The following BASP1 variants were observed in gnomAD, a reference collection of about 807,000 sequenced individuals.
BASP1 encodes the protein brain acid soluble protein 1.
BASP1 carries 1 observed loss-of-function variant against 2.2 expected under a neutral mutation model. The ratio of observed to expected loss-of-function variants is 0.46; its 90% CI spans 0.16 to 2.17. The LOEUF (loss-of-function observed/expected upper bound fraction) is 2.17, where lower values mean the gene tolerates loss of function less well. BASP1 is among the 30% of genes most tolerant of loss of function. The probability of loss-of-function intolerance (pLI) is 0.27; values close to 1 mark genes in which losing one functional copy is unlikely to be tolerated. For synonymous variants in BASP1, 187 were observed against 154.2 expected (o/e 1.21, Z -1.58); for missense variants, 352 against 327.2 (o/e 1.08, Z -0.58).
At chr5:17,262,019 T>G (rs1740324488) in intron 1 of BASP1, among the ~76,000 whole-genome samples, 1 of 152,232 alleles carries the variant, frequency 6.6e-6, no homozygotes, top group Non-Finnish European at 1.5e-5. Flanking sequence ...GTAACCTTTT[T>G]GTAGCAGCAT....
intron 1 of BASP1, among the ~76,000 whole-genome samples, chr5:17,261,102 T>G (rs1740304087): frequency 6.6e-6 from 1 of 152,236 alleles, no homozygotes; most frequent in African/African-American, 2.4e-5. Flanking sequence ...GATGGATGGT[T>G]TATCTAAAGA....
At chr5:17,240,416 A>T (rs1423464694) in intron 1 of BASP1, among the ~76,000 whole-genome samples, 1 of 152,132 alleles carries the variant, frequency 6.6e-6, no homozygotes, top group Non-Finnish European at 1.5e-5. Context: ...GGCACCTGTG[A>T]TTGCAGCTCC....
intron 1 of BASP1, among the ~76,000 whole-genome samples, chr5:17,259,254 C>G (rs1403899987): frequency 6.6e-6 from 1 of 152,184 alleles, no homozygotes; most frequent in African/African-American, 2.4e-5. Context: ...TCTCGTGAGA[C>G]TCATTCACCA....
chr5:17,272,678 T>C (rs1440332531), intron 1 of BASP1, among the ~76,000 whole-genome samples: 1 of 152,152 alleles, frequency 6.6e-6, no homozygotes, highest in Non-Finnish European at 1.5e-5. Flanking sequence ...AGAGGTAAAT[T>C]AGCAAAATGC....
intron 1 of BASP1, among the ~76,000 whole-genome samples, chr5:17,272,444 A>G (rs1483336033): frequency 6.6e-6 from 1 of 152,108 alleles, no homozygotes; most frequent in Non-Finnish European, 1.5e-5. Flanking sequence ...CTTATGGGTA[A>G]AAGGAGAATG....
chr5:17,231,686 A>G (rs933150428), intron 1 of BASP1, among the ~76,000 whole-genome samples: 1 of 152,126 alleles, frequency 6.6e-6, no homozygotes, highest in East Asian at 1.9e-4. Flanking sequence ...ACTCTTGCAA[A>G]GATGTTCCCA....
intron 1 of BASP1, among the ~76,000 whole-genome samples, chr5:17,265,854 T>A (rs1740405835): frequency 6.6e-6 from 1 of 152,064 alleles, no homozygotes; most frequent in Non-Finnish European, 1.5e-5. Context: ...ACTGCAGGAG[T>A]CTTGACCCAA....
intron 1 of BASP1, among the ~76,000 whole-genome samples, chr5:17,272,078 A>C (rs1027455158): frequency 2.6e-5 from 4 of 151,988 alleles, no homozygotes; most frequent in Non-Finnish European, 5.9e-5. Context: ...CAAGAAAAAA[A>C]AAAAAAAAAA....
rs530119598 is a variant in BASP1 at position 17,228,166 on chromosome 5, A to T, written c.-10+10356A>T. On this transcript the variant is annotated intron_variant, in intron 1 of 1. Transcript: ENST00000322611. Reference sequence around the variant, plus strand: ...TTGGTAGAAGAGACAAAAACAGGACATAAGTGGCTTATTCCATTCACCTCT... The same window carrying T: ...TTGGTAGAAGAGACAAAAACAGGACTTAAGTGGCTTATTCCATTCACCTCT... Among the ~76,000 whole-genome samples the T allele has an allele frequency of 1.1e-4, 17 of 152,354 alleles. 2 individuals are homozygous for T. In the South Asian group the frequency reaches 3.5e-3, roughly 32 times the overall value.
intron 1 of BASP1, among the ~76,000 whole-genome samples, chr5:17,221,927 T>C (rs939474807): frequency 6.6e-6 from 1 of 152,124 alleles, no homozygotes; most frequent in African/African-American, 2.4e-5. Flanking sequence ...GAACTACATA[T>C]GATATCTAAA....
At chr5:17,227,368 C>T (rs113669751) in intron 1 of BASP1, among the ~76,000 whole-genome samples, 158 of 149,442 alleles carry the variant, frequency 1.1e-3, no homozygotes, top group African/African-American at 3.4e-3. Flanking sequence ...TACAGGTGTA[C>T]GCCACCAAGC....
intron 1 of BASP1, among the ~76,000 whole-genome samples, chr5:17,270,299 C>T (rs572884479): frequency 1.6e-4 from 24 of 152,272 alleles, no homozygotes; most frequent in Middle Eastern, 6.8e-3. Context: ...CACACACAGC[C>T]CCCTCTTCTC....
chr5:17,246,337 A>C (rs952362870), intron 1 of BASP1, among the ~76,000 whole-genome samples: 1 of 151,978 alleles, frequency 6.6e-6, no homozygotes, highest in Non-Finnish European at 1.5e-5. Context: ...AAAAAAAAAA[A>C]ATTACCTGGG....
chr5:17,266,386 C>T (rs1257710282), intron 1 of BASP1, among the ~76,000 whole-genome samples: 1 of 152,148 alleles, frequency 6.6e-6, no homozygotes, highest in Non-Finnish European at 1.5e-5. Flanking sequence ...TTGCTCTGTT[C>T]TGTCTCCCTC....
chr5:17,259,827 T>A (rs536812412), intron 1 of BASP1, among the ~76,000 whole-genome samples: 2 of 152,248 alleles, frequency 1.3e-5, no homozygotes, highest in Non-Finnish European at 2.9e-5. Context: ...AAGCCCATCA[T>A]GGTCTGTCTA....
In BASP1 at chr5:17,236,627, A is replaced by G. The variant is rs1182034908; in HGVS notation, c.-10+18817A>G. 6.6e-6 allele frequency among the ~76,000 whole-genome samples: 1 copy of G among 152,156 alleles called. No individual in the cohort carries two copies. The highest frequency in any genetic ancestry group is 1.5e-5 in the Non-Finnish European group (1 of 68,028). ...TGTTCATATCCTCTCCTGTGTAGTT[A>G]GATGGCTACTGAATATATCCTGAGA... On this transcript the variant is annotated intron_variant, in intron 1 of 1. Coordinates refer to ENST00000322611, the MANE Select transcript of BASP1 (RefSeq NM_006317.5). The surrounding 1 kb of genome is among the most constrained non-coding windows in gnomAD (Gnocchi z 4.0).
intron 1 of BASP1, among the ~76,000 whole-genome samples, chr5:17,265,987 T>A (rs142125770): frequency 1.7e-3 from 261 of 152,286 alleles, no homozygotes; most frequent in African/African-American, 5.8e-3. Flanking sequence ...ACATAATAAG[T>A]CCTGCTGAAG....
chr5:17,244,538 C>T (rs1251792032), intron 1 of BASP1, among the ~76,000 whole-genome samples: 6 of 152,006 alleles, frequency 3.9e-5, no homozygotes, highest in Admixed American at 1.3e-4. Context: ...TGAGGGAGCT[C>T]GTGACAGAGG....
At position 17,275,533 on chromosome 5, in the gene BASP1, A is replaced by G; in HGVS notation, c.317A>G (p.Gln106Arg). The change falls in exon 2 of 2, where the codon CAG becomes CGG. Residue 106 changes from glutamine to arginine, a missense_variant. Physicochemically the swap from Gln to Arg is conservative, Grantham distance 43 (BLOSUM62 1). Transcript: ENST00000322611. The surrounding 1 kb of genome is among the most constrained non-coding windows in gnomAD (Gnocchi z 5.3). ...GCTGAGCCCCCGAAGGCGCCCGAGC[A>G]GGAGCAGGCGGCCCCCGGCCCCGCT... ...AKAEPPKAPE[Q>R]EQAAPGPAAG... 7.0e-7 allele frequency: 1 copy of G among 1,423,186 alleles called. No individual in the cohort carries two copies. The allele number at this position is 1,423,186 out of a possible 1,614,324, so 88.2% of individuals were successfully genotyped here. A position where few individuals can be genotyped will look rare whatever the true frequency, so the allele number is the denominator to read the frequency against.
Sources: allele counts gnomAD v4.1 joint callset (sites outside exome capture counted in the v4.1 genomes callset), GRCh38; gene constraint gnomAD v4.1.1; non-coding constraint Gnocchi (gnomAD v3.1); transcripts MANE v1.5; gene names NCBI Gene and HGNC (gene_info 2026-07-23, HGNC 2026-07-21).